The following IL18BP variants were observed in gnomAD, a reference collection of about 807,000 sequenced individuals.
IL18BP encodes the protein interleukin-18-binding protein.
Under a neutral mutation model 19.9 loss-of-function variants are expected in IL18BP, and 23 were observed. The observed-to-expected ratio is 1.15, with a 90% CI of 0.83 to 1.64. The LOEUF (loss-of-function observed/expected upper bound fraction) is 1.64, where lower values mean the gene tolerates loss of function less well. IL18BP is among the 40% of genes most tolerant of loss of function. The pLI, the probability that IL18BP is intolerant of heterozygous loss-of-function variation, is 0.00. For synonymous variants in IL18BP, 107 were observed against 101.0 expected, an observed-to-expected ratio of 1.06 and a Z score of -0.35; for missense variants, 239 against 240.7, an observed-to-expected ratio of 0.99 and a Z score of 0.05.
chr11:72,005,266 TGGG>T, downstream of IL18BP: 1 of 1,605,304 alleles, frequency 6.2e-7, no homozygotes, highest in Non-Finnish European at 8.5e-7. Context: ...TCTTCAGATG[TGGG>T]GGGCACACTC....
chr11:72,002,976 G>A (rs1213612152), downstream of IL18BP: 3 of 234,012 alleles, frequency 1.3e-5, no homozygotes, highest in Middle Eastern at 2.5e-3. Flanking sequence ...CAAGTCTGGG[G>A]AAGGTAGGGT....
rs754438154 is a variant in IL18BP at position 72,000,401 on chromosome 11, C to T, written c.79C>T (p.Leu27=). 2 of 1,614,132 alleles carry T rather than the reference C, an allele frequency of 1.2e-6. No homozygotes were observed. The highest frequency in any genetic ancestry group is 1.3e-5 in the African/African-American group (1 of 75,050). The stretch of plus-strand genomic sequence containing the variant: ...CCTGTGTGCCCACGTCGTCACTCTC[C>T]TGGTCAGAGCCACACCTGTCTCGCA... The part of the protein sequence containing the change: ...LLLCAHVVTL[L]VRATPVSQTT... Residue 27 remains leucine, a synonymous_variant, in exon 3 of 6, where the codon CTG becomes TTG. Coordinates refer to ENST00000393703, the MANE Select transcript of IL18BP (RefSeq NM_001039660.2).
chr11:72,007,481 G>A (rs747930007), downstream of IL18BP: 41 of 1,603,028 alleles, frequency 2.6e-5, no homozygotes, highest in African/African-American at 5.4e-4. Flanking sequence ...ACGCTAGAAG[G>A]CATTTTGTCC....
chr11:72,006,375 G>T, downstream of IL18BP: 1 of 859,492 alleles, frequency 1.2e-6, no homozygotes, highest in Non-Finnish European at 1.8e-6. Flanking sequence ...ATTCCCAACT[G>T]CTTTGCAAAG....
chr11:72,005,992 C>T (rs1590858647), downstream of IL18BP: 1 of 1,457,254 alleles, frequency 6.9e-7, no homozygotes, highest in Non-Finnish European at 9.4e-7. Flanking sequence ...ATCCACCTTC[C>T]AGTCTAATTT....
At chr11:72,000,900 A>G (rs1688438973) in intron 3 of IL18BP, among the ~76,000 whole-genome samples, 1 of 152,142 alleles carries the variant, frequency 6.6e-6, no homozygotes, top group Admixed American at 6.5e-5. Context: ...TGCCTTTGTC[A>G]CCTGGGCTCC....
At chr11:72,005,432 G>A, downstream of IL18BP, 1 of 1,544,488 alleles carries the variant, frequency 6.5e-7, no homozygotes, top group Non-Finnish European at 8.8e-7. Flanking sequence ...TCCTGGCCCT[G>A]GCATCTTGCC....
downstream of IL18BP, chr11:72,003,851 T>A (rs775324210): frequency 1.2e-6 from 2 of 1,605,462 alleles, no homozygotes; most frequent in Non-Finnish European, 1.7e-6. Flanking sequence ...CATGCTCTCA[T>A]CGGGTTTCCC....
intron 3 of IL18BP, among the ~76,000 whole-genome samples, 163 bp from the exon 4 acceptor site, chr11:72,001,038 A>G (rs1291015659): frequency 2.0e-5 from 3 of 152,228 alleles, no homozygotes; most frequent in Admixed American, 2.0e-4. Flanking sequence ...CTCGGAGACA[A>G]CTGCACTTCT....
At chr11:72,004,917 C>G (rs535763868), downstream of IL18BP, 3 of 1,194,598 alleles carry the variant, frequency 2.5e-6, no homozygotes, top group Non-Finnish European at 1.1e-6. Flanking sequence ...CACTTATGGT[C>G]GGGACCCTTC....
downstream of IL18BP, among the ~76,000 whole-genome samples, chr11:72,005,062 A>G (rs778842312): frequency 6.6e-5 from 10 of 151,886 alleles, 1 homozygote; most frequent in Non-Finnish European, 8.8e-5. Context: ...AAGGGACTTC[A>G]CCCCTGAGTG....
chr11:72,005,406 G>A (rs1955619546), downstream of IL18BP: 5 of 1,592,722 alleles, frequency 3.1e-6, no homozygotes, highest in Non-Finnish European at 4.3e-6. Flanking sequence ...AATGAGCCTG[G>A]AGTCGGCAGG....
At chr11:72,003,672 G>A, downstream of IL18BP, 1 of 1,229,078 alleles carries the variant, frequency 8.1e-7, no homozygotes, top group Non-Finnish European at 1.2e-6. Flanking sequence ...GTTATCAGTT[G>A]CTGGCTGTGC....
intron 1 of IL18BP, 193 bp downstream of exon 1, chr11:71,999,212 A>C (rs1450278178): frequency 6.1e-6 from 3 of 492,386 alleles, no homozygotes; most frequent in Non-Finnish European, 1.2e-5. Context: ...AAGTGGTCCA[A>C]CTTGGGGTTC....
chr11:72,001,342 C>G lies in IL18BP; in HGVS notation c.359+18C>G. 6.2e-7 allele frequency: 1 copy of G among 1,614,224 alleles called. No individual in the cohort carries two copies. ...AGCACCAGGTGAGGGTCGCAGCAGC[C>G]AGGTGGGTGGGAAGGAGGCCTTCTG... is the stretch of plus-strand genomic sequence containing the variant. On this transcript the variant is annotated intron_variant, in intron 4 of 5. Transcript: ENST00000393703.
downstream of IL18BP, among the ~76,000 whole-genome samples, chr11:72,006,451 ATGT>A (rs940615394): frequency 1.1e-4 from 16 of 152,274 alleles, no homozygotes; most frequent in African/African-American, 3.9e-4. Flanking sequence ...GGTGGTGCTG[ATGT>A]TGTCAAGACT....
downstream of IL18BP, chr11:72,004,717 C>T (rs775433410): frequency 2.7e-5 from 43 of 1,613,656 alleles, no homozygotes; most frequent in African/African-American, 5.3e-5. Context: ...CCAGTGCCCT[C>T]GGCTATCTGG....
chr11:71,999,595 C>G (rs1262822410), intron 1 of IL18BP: 1 of 241,554 alleles, frequency 4.1e-6, no homozygotes, highest in Non-Finnish European at 8.2e-6. Flanking sequence ...AGAAGGATTG[C>G]TCGGCATCCT....
chr11:72,006,334 G>A (rs866000069), downstream of IL18BP: 16 of 1,312,848 alleles, frequency 1.2e-5, no homozygotes, highest in East Asian at 4.8e-5. Flanking sequence ...ATTCCCTTCC[G>A]AAGCCCTCAG....
Sources: allele counts gnomAD v4.1 joint callset (sites outside exome capture counted in the v4.1 genomes callset), GRCh38; gene constraint gnomAD v4.1.1; transcripts MANE v1.5; gene names NCBI Gene and HGNC (gene_info 2026-07-23, HGNC 2026-07-21).